LINGO2: variants seen among roughly 807,000 people sequenced by gnomAD.
The protein encoded by LINGO2 is leucine-rich repeat and immunoglobulin-like domain-containing nogo receptor-interacting protein 2.
Under a neutral mutation model 30.6 loss-of-function variants are expected in LINGO2, and 14 were observed. That is an observed-to-expected ratio of 0.46 (90% confidence interval 0.30 to 0.72). LINGO2 has a LOEUF of 0.72. LINGO2 is among the 30% of genes least tolerant of loss of function. LINGO2 has a pLI of 0.07. For missense variants in LINGO2, 729 were observed against 751.7 expected, an observed-to-expected ratio of 0.97 and a Z score of 0.35; for synonymous variants, 317 against 288.5, an observed-to-expected ratio of 1.10 and a Z score of -1.00.
chr9:28,698,898 T>C, the LINGO2 span, among the ~76,000 whole-genome samples: 1 of 151,724 alleles, frequency 6.6e-6, no homozygotes, highest in African/African-American at 2.4e-5. Context: ...AACAATTAGC[T>C]AGATGTGGTG....
chr9:27,963,969 A>G (rs918701997), intron 5 of LINGO2, among the ~76,000 whole-genome samples: 2 of 152,090 alleles, frequency 1.3e-5, no homozygotes, highest in African/African-American at 2.4e-5. Flanking sequence ...TCTTTGAAGG[A>G]CCCCAAGCCA....
the LINGO2 span, among the ~76,000 whole-genome samples, chr9:29,020,813 G>C: frequency 6.6e-6 from 1 of 152,152 alleles, no homozygotes; most frequent in African/African-American, 2.4e-5. Context: ...CCAGTGAGCA[G>C]TGAAGATACT....
At position 28,185,772 on chromosome 9, in the gene LINGO2, A is replaced by C. The variant is rs973049239; in HGVS notation, c.-87+109436T>G. 6.6e-5 allele frequency among the ~76,000 whole-genome samples: 10 copies of C among 152,114 alleles called. 1 individual carries two copies. The highest frequency in any genetic ancestry group is 4.6e-4 in the Admixed American group (7 of 15,270). The stretch of plus-strand genomic sequence containing the variant: ...ACAGTCCAGGAGAATGATATGGAAA[A>C]ATTTTTAAAAACGTATCTGACATTA... On this transcript the variant is annotated intron_variant, in intron 4 of 5. Coordinates refer to ENST00000379992, the Ensembl canonical transcript of LINGO2.
chr9:29,049,479 T>C, the LINGO2 span, among the ~76,000 whole-genome samples: 2 of 152,154 alleles, frequency 1.3e-5, no homozygotes, highest in East Asian at 1.9e-4. Flanking sequence ...GAAATCAATA[T>C]ACCAAAGAGA....
chr9:28,421,714 T>A (rs867822613), intron 2 of LINGO2, among the ~76,000 whole-genome samples: 3 of 152,076 alleles, frequency 2.0e-5, no homozygotes, highest in South Asian at 2.1e-4. Context: ...TTGAAAAAAA[T>A]TCATACATAA....
chr9:28,149,395 G>A (rs879375583), intron 4 of LINGO2, among the ~76,000 whole-genome samples: 23 of 143,214 alleles, frequency 1.6e-4, no homozygotes, highest in Admixed American at 8.8e-4. Flanking sequence ...CTGCTCCACC[G>A]TCTGGGAAGT....
chr9:28,590,554 A>G (rs1231694925), intron 1 of LINGO2, among the ~76,000 whole-genome samples: 2 of 152,178 alleles, frequency 1.3e-5, no homozygotes, highest in Non-Finnish European at 2.9e-5. Flanking sequence ...AACACATGAA[A>G]AAATGCTCAT....
chr9:28,473,485 TACTGTAAC>T (rs1159416230), intron 2 of LINGO2, among the ~76,000 whole-genome samples: 1 of 151,878 alleles, frequency 6.6e-6, no homozygotes, highest in Non-Finnish European at 1.5e-5. Flanking sequence ...CTATTCCCAC[TACTGTAAC>T]ACCTACAGTG....
intron 4 of LINGO2, among the ~76,000 whole-genome samples, chr9:28,028,521 C>T (rs1348186610): frequency 1.3e-5 from 2 of 151,954 alleles, no homozygotes; most frequent in Non-Finnish European, 2.9e-5. Context: ...TAACAATATA[C>T]ATAATATAAT....
At chr9:29,049,056 A>C in the LINGO2 span, among the ~76,000 whole-genome samples, 1 of 152,206 alleles carries the variant, frequency 6.6e-6, no homozygotes, top group Non-Finnish European at 1.5e-5. Context: ...AAATATTTGC[A>C]AACTACCCAT....
the LINGO2 span, among the ~76,000 whole-genome samples, chr9:28,797,635 G>T: frequency 2.0e-5 from 3 of 151,982 alleles, no homozygotes; most frequent in Non-Finnish European, 4.4e-5. Flanking sequence ...CCTAAAGTTG[G>T]AGGATATGAG....
At chr9:28,120,941 CAA>C (rs1297585251) in intron 4 of LINGO2, among the ~76,000 whole-genome samples, 2 of 152,062 alleles carry the variant, frequency 1.3e-5, no homozygotes, top group Admixed American at 1.3e-4. Context: ...AACAACAAAA[CAA>C]AAAGACAAAA....
intron 4 of LINGO2, among the ~76,000 whole-genome samples, chr9:28,158,284 A>T (rs540480802): frequency 6.8e-4 from 103 of 152,252 alleles, no homozygotes; most frequent in Middle Eastern, 3.4e-3. Flanking sequence ...CAGCACGGGA[A>T]AGGCTTGCCC....
chr9:29,043,637 A>T, the LINGO2 span, among the ~76,000 whole-genome samples: 1 of 151,952 alleles, frequency 6.6e-6, no homozygotes, highest in African/African-American at 2.4e-5. Context: ...ATGAAATCTG[A>T]TGCTTATGCA....
intron 4 of LINGO2, among the ~76,000 whole-genome samples, chr9:28,284,161 C>G (rs959665765): frequency 6.6e-6 from 1 of 152,170 alleles, no homozygotes; most frequent in East Asian, 1.9e-4. Flanking sequence ...CTTCCAATGT[C>G]TGCTTCCTCT....
At chr9:28,144,369 C>G (rs566121983) in intron 4 of LINGO2, among the ~76,000 whole-genome samples, 30 of 152,154 alleles carry the variant, frequency 2.0e-4, no homozygotes, top group South Asian at 1.5e-3. Flanking sequence ...TACAAATTAC[C>G]AAGATCTATA....
At chr9:28,501,945 T>C (rs753439917) in intron 1 of LINGO2, among the ~76,000 whole-genome samples, 5 of 149,914 alleles carry the variant, frequency 3.3e-5, no homozygotes, top group Non-Finnish European at 5.9e-5. Context: ...TGTTTTGCAA[T>C]TGGCAAAAAC....
At position 28,646,710 on chromosome 9, in the gene LINGO2, T is replaced by A. The variant is rs190308149; in HGVS notation, c.-365+23490A>T. Among the ~76,000 whole-genome samples the A allele has an allele frequency of 4.5e-3, 688 of 152,198 alleles. 6 individuals carry two copies. Among genetic ancestry groups the A allele is most frequent in the African/African-American group, 0.012 (490 of 41,552 alleles). The stretch of plus-strand genomic sequence containing the variant: ...TCTCCATTGTGATTAAGCAATAATT[T>A]CTTATGAAATGTCACCTTTATTATT... On this transcript the variant is annotated intron_variant, in intron 1 of 5. Transcript: ENST00000379992.
chr9:28,593,778 T>G (rs1825042317), intron 1 of LINGO2, among the ~76,000 whole-genome samples: 1 of 152,082 alleles, frequency 6.6e-6, no homozygotes, highest in South Asian at 2.1e-4. Context: ...GTGCTTTCAC[T>G]TCCAGGTGCT....
Sources: gnomAD v4.1 joint callset for allele counts (sites outside exome capture counted in the v4.1 genomes callset) on GRCh38, gnomAD v4.1.1 for gene constraint, MANE v1.5 for transcripts, NCBI Gene and HGNC (gene_info 2026-07-23, HGNC 2026-07-21) for gene names.